Variants in GPX5 observed in about 807,000 individuals in gnomAD.
GPX5 encodes glutathione peroxidase 5.
GPX5 carries 20 observed loss-of-function variants against 23.8 expected under a neutral mutation model. That is an observed-to-expected ratio of 0.84 (90% CI 0.59 to 1.22). The LOEUF is 1.22. Ranked by LOEUF, GPX5 falls within the 50% of genes most tolerant of loss-of-function variation. The pLI, the probability that GPX5 is intolerant of heterozygous loss-of-function variation, is 0.00. For missense variants in GPX5, 230 were observed against 266.6 expected (o/e 0.86, Z 0.96); for synonymous variants, 92 against 99.5 (o/e 0.92, Z 0.45).
Position 28,529,532 on chromosome 6 carries a change from A to G in GPX5, c.169A>G (p.Lys57Glu). 6.2e-7 allele frequency: 1 copy of G among 1,613,638 alleles called. No homozygotes were observed. Among genetic ancestry groups the G allele is most frequent in the South Asian group, 1.1e-5 (1 of 91,048 alleles). The part of the protein sequence containing the change: ...ALNKNEYVSF[K>E]QYVGKHILFV... ...TAATAAGAATGAATATGTTTCCTTC[A>G]AGCAGTATGTGGGCAAGCACATCCT... is the stretch of plus-strand genomic sequence containing the variant. The change falls in exon 2 of 5, where the codon AAG becomes GAG. Residue 57 changes from lysine (K) to glutamate (E), a missense_variant. Coordinates refer to ENST00000412168, the MANE Select transcript of GPX5 (RefSeq NM_001509.3).
At chr6:28,529,953 C>T (rs916938231) in intron 2 of GPX5, 1 of 182,508 alleles carries the variant, frequency 5.5e-6, no homozygotes, top group African/African-American at 2.3e-5. Flanking sequence ...TGGCCCTTTA[C>T]AGAAAAAATG....
chr6:28,528,844 T>TGGTAC (rs1562009083), intron 1 of GPX5, among the ~76,000 whole-genome samples: 1 of 5,778 alleles, frequency 1.7e-4, no homozygotes, highest in African/African-American at 1.1e-3. Flanking sequence ...TATATATATA[T>TGGTAC]ATATATATAT....
chr6:28,532,187 T>C, intron 3 of GPX5, 134 bp from the exon 4 acceptor site: 1 of 652,900 alleles, frequency 1.5e-6, no homozygotes, highest in Non-Finnish European at 2.7e-6. Flanking sequence ...AGTCAAAACA[T>C]GGCCATATTC....
intron 3 of GPX5, 115 bp from the exon 4 acceptor site, chr6:28,532,206 C>T: frequency 2.9e-6 from 2 of 698,408 alleles, no homozygotes; most frequent in Non-Finnish European, 4.9e-6. Context: ...TCCTCCCCAC[C>T]CACAACGATA....
In GPX5 at chr6:28,526,031, G is replaced by C. The variant is rs143719221; in HGVS notation, c.18G>C (p.Arg6Ser). MTTQLRVVHLLPLLLA... is the reference protein window; with the variant it reads MTTQLSVVHLLPLLLA... ...CACTAGTCATGACTACACAGTTAAG[G>C]GTCGTCCATCTGCTTCCCCTTCTCC... The change falls in exon 1 of 5, where the codon AGG becomes AGC. Residue 6 changes from arginine to serine, a missense_variant. Arg to Ser is a moderately radical substitution (Grantham distance 110). Coordinates refer to ENST00000412168, the MANE Select transcript of GPX5 (RefSeq NM_001509.3). The C allele has an allele frequency of 3.3e-5, 53 of 1,612,590 alleles. No homozygotes were observed. In the African/African-American group the frequency reaches 6.5e-4, roughly 20 times the overall value.
chr6:28,531,397 AAGAAAAG>A (rs1763318013), intron 2 of GPX5, among the ~76,000 whole-genome samples: 6 of 92,216 alleles, frequency 6.5e-5, no homozygotes, highest in African/African-American at 2.2e-4. Flanking sequence ...AAAAAAAGAA[AAGAAAAG>A]AAAAGAAAAG....
chr6:28,530,113 C>A (rs1763285866), intron 2 of GPX5: 1 of 152,150 alleles, frequency 6.6e-6, no homozygotes. Flanking sequence ...GAGACTTTTG[C>A]AAGGTTTTAC....
intron 4 of GPX5, among the ~76,000 whole-genome samples, chr6:28,532,892 G>T (rs7356853): frequency 6.6e-6 from 1 of 152,168 alleles, no homozygotes; most frequent in Non-Finnish European, 1.5e-5. Flanking sequence ...GGCAGGACAG[G>T]AGAATTGCTT....
chr6:28,526,246 C>A, intron 1 of GPX5, 146 bp downstream of exon 1: 1 of 656,528 alleles, frequency 1.5e-6, no homozygotes. Flanking sequence ...CTCCTTGAAT[C>A]TTCTTCATTC....
chr6:28,531,204 A>G (rs1248317970), intron 2 of GPX5, among the ~76,000 whole-genome samples: 1 of 151,720 alleles, frequency 6.6e-6, no homozygotes, highest in Non-Finnish European at 1.5e-5. Flanking sequence ...CCCCGTCTCT[A>G]CTAAAAATAC....
intron 4 of GPX5, 128 bp downstream of exon 4, chr6:28,532,548 A>C (rs1484352984): frequency 7.7e-6 from 5 of 645,920 alleles, no homozygotes; most frequent in Non-Finnish European, 1.4e-5. Context: ...AAAAATCTCC[A>C]GATCAGCATT....
chr6:28,527,080 A>G (rs965127810), intron 1 of GPX5: 2 of 152,338 alleles, frequency 1.3e-5, no homozygotes, highest in South Asian at 2.1e-4. Flanking sequence ...TGCTTAATAA[A>G]AGCTGCGTCT....
chr6:28,532,118 ATGG>A (rs1382347181), intron 3 of GPX5, among the ~76,000 whole-genome samples, 200 bp from the exon 4 acceptor site: 1 of 152,102 alleles, frequency 6.6e-6, no homozygotes, highest in African/African-American at 2.4e-5. Context: ...GACAGAAGGG[ATGG>A]AGGAAAAGAG....
At chr6:28,532,498 C>A in intron 4 of GPX5, 78 bp downstream of exon 4, 2 of 947,640 alleles carry the variant, frequency 2.1e-6, no homozygotes, top group Non-Finnish European at 1.6e-6. Context: ...GAAATGGATC[C>A]AAGGGCTCAT....
rs1763268614 is a variant in GPX5, at chr6:28,529,324, T to G, written c.88-127T>G. On this transcript the variant is annotated intron_variant, in intron 1 of 4. Coordinates refer to ENST00000412168, the MANE Select transcript of GPX5 (RefSeq NM_001509.3). Reference sequence around the variant, plus strand: ...CAAGTTTCAGTCTTGTCATTGACACTTTAGACAACTCTTATTTGTTTTCTA... The same window carrying G: ...CAAGTTTCAGTCTTGTCATTGACACGTTAGACAACTCTTATTTGTTTTCTA... The G allele has an allele frequency of 9.0e-6, 6 of 666,432 alleles. No individual in the cohort carries two copies. In the Admixed American group the frequency reaches 2.3e-4, roughly 25 times the overall value. 41.3% of individuals were successfully genotyped at this position (666,432 alleles called of 1,614,324 possible).
chr6:28,532,505 T>C, intron 4 of GPX5, 85 bp downstream of exon 4: 1 of 879,458 alleles, frequency 1.1e-6, no homozygotes, highest in East Asian at 2.7e-5. Flanking sequence ...ATCCAAGGGC[T>C]CATGCCCAGA....
chr6:28,532,834 G>A (rs1763353217), intron 4 of GPX5, among the ~76,000 whole-genome samples: 1 of 152,196 alleles, frequency 6.6e-6, no homozygotes, highest in South Asian at 2.1e-4. Context: ...TAGCTATGTA[G>A]CTGGGGTGGT....
At chr6:28,531,069 T>C (rs1368595200) in intron 2 of GPX5, among the ~76,000 whole-genome samples, 1 of 151,874 alleles carries the variant, frequency 6.6e-6, no homozygotes, top group Non-Finnish European at 1.5e-5. Context: ...TGTTGAAAAA[T>C]GTTAGGATTG....
intron 2 of GPX5, among the ~76,000 whole-genome samples, chr6:28,531,389 A>AAAAAAAAAAAAAAAG (rs1763315872): frequency 1.4e-5 from 1 of 69,552 alleles, no homozygotes; most frequent in Non-Finnish European, 2.7e-5. Context: ...AAAAAAAAAA[A>AAAAAAAAAAAAAAAG]AAAAGAAAAG....
Sources: allele counts gnomAD v4.1 joint callset (sites outside exome capture counted in the v4.1 genomes callset), GRCh38; gene constraint gnomAD v4.1.1; transcripts MANE v1.5; gene names NCBI Gene and HGNC (gene_info 2026-07-23, HGNC 2026-07-21).